The following CXADR variants were observed in gnomAD, a reference collection of about 807,000 sequenced individuals.
The protein encoded by CXADR is coxsackievirus and adenovirus receptor.
In CXADR, 20 loss-of-function variants were observed where a neutral mutation model predicts 40.3. The ratio of observed to expected loss-of-function variants is 0.50; its 90% CI spans 0.35 to 0.72. The LOEUF (loss-of-function observed/expected upper bound fraction) is 0.72, where lower values mean the gene tolerates loss of function less well. CXADR is among the 30% of genes least tolerant of loss of function. The pLI is 0.01. For missense variants in CXADR, 332 were observed against 449.1 expected (o/e 0.74, Z 2.36); for synonymous variants, 150 against 161.3 (o/e 0.93, Z 0.53).
chr21:17,575,231 T>C (rs2061312394), intron 7 of CXADR, among the ~76,000 whole-genome samples: 1 of 152,022 alleles, frequency 6.6e-6, no homozygotes, highest in African/African-American at 2.4e-5. Context: ...ATTGCCCAGG[T>C]CGGAGTGCAG....
chr21:17,564,526 T>C (rs2061176188), intron 6 of CXADR, among the ~76,000 whole-genome samples: 1 of 151,846 alleles, frequency 6.6e-6, no homozygotes, highest in Non-Finnish European at 1.5e-5. Flanking sequence ...TAAAACAAAA[T>C]TTTCTATACA....
chr21:17,610,695 T>G, the CXADR span, among the ~76,000 whole-genome samples: 1 of 152,240 alleles, frequency 6.6e-6, no homozygotes, highest in African/African-American at 2.4e-5. Flanking sequence ...CTGCCTTTAG[T>G]AAGCAACATC....
intron 4 of CXADR, 68 bp downstream of exon 4, chr21:17,559,199 T>C: frequency 6.5e-7 from 1 of 1,539,470 alleles, no homozygotes; most frequent in Non-Finnish European, 8.9e-7. Context: ...GGGGTGTGTG[T>C]GTGATTTGAG....
Position 17,569,693 on chromosome 21 carries a change from T to C in CXADR, c.*4001T>C. 1 of 968,380 alleles carries C rather than the reference T, an allele frequency of 1.0e-6. No individual in the cohort carries two copies. 60.0% of individuals were successfully genotyped at this position (968,380 alleles called of 1,614,324 possible). A position where few individuals can be genotyped will look rare whatever the true frequency, so the allele number is the denominator to read the frequency against. On this transcript the variant is annotated 3_prime_UTR_variant, in exon 7 of 7. Transcript: ENST00000284878. ...CCTCTTATTCATTATGGTTAACTTT[T>C]ATAATTTATCTTATTTTATAATTTA...
intron 6 of CXADR, among the ~76,000 whole-genome samples, chr21:17,562,351 G>GTTTTCTGAGACAAGGTCTCA (rs2061135462): frequency 6.6e-6 from 1 of 151,974 alleles, no homozygotes; most frequent in Non-Finnish European, 1.5e-5. Flanking sequence ...ACAAGGTCTC[G>GTTTTCTGAGACAAGGTCTCA]CTCTCTGTTG....
At chr21:17,552,781 A>G (rs2060985805) in intron 3 of CXADR, among the ~76,000 whole-genome samples, 1 of 152,202 alleles carries the variant, frequency 6.6e-6, no homozygotes, top group Admixed American at 6.5e-5. Context: ...AGCTGATGCT[A>G]GAATTGTCTA....
the CXADR span, chr21:17,604,787 C>G: frequency 6.7e-7 from 1 of 1,497,378 alleles, no homozygotes; most frequent in Non-Finnish European, 9.0e-7. Context: ...CACAGGCAGG[C>G]CGTACATGAC....
chr21:17,553,805 G>A (rs968751811), intron 3 of CXADR, among the ~76,000 whole-genome samples: 45 of 151,882 alleles, frequency 3.0e-4, no homozygotes, highest in African/African-American at 1.0e-3. Context: ...TTTTGGTAGA[G>A]ACGGGGTTTC....
chr21:17,527,534 A>G (rs1190235730), intron 1 of CXADR, among the ~76,000 whole-genome samples: 1 of 152,226 alleles, frequency 6.6e-6, no homozygotes. Flanking sequence ...AATGAGTAAC[A>G]CACCATTCTA....
At chr21:17,604,815 G>C in the CXADR span, 1 of 1,585,302 alleles carries the variant, frequency 6.3e-7, no homozygotes, top group African/African-American at 1.4e-5. Flanking sequence ...CATAAAATTA[G>C]TTCCAGCATG....
intron 7 of CXADR, among the ~76,000 whole-genome samples, chr21:17,575,425 C>T (rs2061314205): frequency 1.3e-5 from 2 of 151,606 alleles, no homozygotes; most frequent in Non-Finnish European, 2.9e-5. Flanking sequence ...CAAGTGATAC[C>T]CCTGCCACGG....
intron 2 of CXADR, among the ~76,000 whole-genome samples, chr21:17,551,442 T>C (rs2060967109): frequency 6.6e-6 from 1 of 152,160 alleles, no homozygotes. Flanking sequence ...CAAATCTGTG[T>C]TCTTGCCCAA....
At chr21:17,548,431 TCATTTTATCTA>T (rs2060925454) in intron 2 of CXADR, among the ~76,000 whole-genome samples, 1 of 152,190 alleles carries the variant, frequency 6.6e-6, no homozygotes, top group Non-Finnish European at 1.5e-5. Context: ...CGGGCCTGAC[TCATTTTATCTA>T]CTCAGCCTCG....
In CXADR at chr21:17,568,925, T is replaced by C; in HGVS notation, c.*3233T>C. On this transcript the variant is annotated 3_prime_UTR_variant, in exon 7 of 7. Coordinates refer to ENST00000284878, the MANE Select transcript of CXADR (RefSeq NM_001338.5). ...TGAGTGTATCTTAGGGAGAGTTTGA[T>C]TGAAAAAATCCAAATCACTATCCAT... The C allele has an allele frequency of 5.1e-6, 5 of 984,912 alleles. No homozygotes were observed. The South Asian group carries it at 1.9e-4, about 37-fold the overall frequency. The allele number at this position is 984,912 out of a possible 1,614,324, so 61.0% of individuals were successfully genotyped here.
intron 3 of CXADR, among the ~76,000 whole-genome samples, chr21:17,553,418 T>C (rs2060994596): frequency 6.6e-6 from 1 of 152,196 alleles, no homozygotes; most frequent in Admixed American, 6.5e-5. Context: ...CCTGGTGAAA[T>C]GCATCATTCT....
downstream of CXADR, among the ~76,000 whole-genome samples, chr21:17,596,206 T>C (rs972239387): frequency 1.3e-5 from 2 of 152,144 alleles, no homozygotes; most frequent in Admixed American, 6.5e-5. Context: ...TACAGATATA[T>C]GTAATGAGAA....
At chr21:17,615,665 T>G in the CXADR span, among the ~76,000 whole-genome samples, 1 of 152,206 alleles carries the variant, frequency 6.6e-6, no homozygotes, top group African/African-American at 2.4e-5. Flanking sequence ...CTATACTCAT[T>G]AATATGTATT....
chr21:17,596,277 ATGAT>A (rs1405527520), downstream of CXADR, among the ~76,000 whole-genome samples: 1 of 152,034 alleles, frequency 6.6e-6, no homozygotes, highest in Non-Finnish European at 1.5e-5. Context: ...GAACAAAAAG[ATGAT>A]TAATTTTGAT....
At chr21:17,530,857 G>A (rs1450790191) in intron 1 of CXADR, among the ~76,000 whole-genome samples, 1 of 152,164 alleles carries the variant, frequency 6.6e-6, no homozygotes, top group Admixed American at 6.5e-5. Context: ...TATCCTACAT[G>A]TGTTTTCATG....
Sources: allele counts gnomAD v4.1 joint callset (sites outside exome capture counted in the v4.1 genomes callset), GRCh38; gene constraint gnomAD v4.1.1; transcripts MANE v1.5; gene names NCBI Gene and HGNC (gene_info 2026-07-23, HGNC 2026-07-21).